The following ZFR2 variants were observed in gnomAD, a reference collection of about 807,000 sequenced individuals.
The protein encoded by ZFR2 is zinc finger RNA-binding protein 2.
A neutral mutation model predicts 105.7 loss-of-function variants in ZFR2; 104 were observed. The ratio of observed to expected loss-of-function variants is 0.98; its 90% CI spans 0.84 to 1.16. The LOEUF is 1.16. Among genes scored for constraint, ZFR2 ranks in the 50% most tolerant of loss-of-function variants. ZFR2 has a pLI of 0.00. For synonymous variants in ZFR2, 634 were observed against 597.7 expected, an observed-to-expected ratio of 1.06 and a Z score of -0.89; for missense variants, 1,425 against 1,355.5, an observed-to-expected ratio of 1.05 and a Z score of -0.80.
intron 1 of ZFR2, among the ~76,000 whole-genome samples, chr19:3,855,023 G>A (rs1371867466): frequency 6.6e-6 from 1 of 152,146 alleles, no homozygotes; most frequent in Non-Finnish European, 1.5e-5. Flanking sequence ...GCCTCCCAAA[G>A]TGCTGGGATT....
intron 1 of ZFR2, among the ~76,000 whole-genome samples, chr19:3,844,278 T>C (rs1478367333): frequency 6.6e-6 from 1 of 152,204 alleles, no homozygotes; most frequent in African/African-American, 2.4e-5. Flanking sequence ...TCCACCCATC[T>C]ATCTTGCTTT....
intron 8 of ZFR2, among the ~76,000 whole-genome samples, chr19:3,822,656 C>T (rs2037908270): frequency 1.3e-5 from 2 of 152,154 alleles, no homozygotes; most frequent in Admixed American, 1.3e-4. Context: ...TTTGAGGTTG[C>T]AGTGAGCCAT....
At chr19:3,822,274 C>A in intron 8 of ZFR2, 74 bp from the exon 9 acceptor site, 2 of 1,530,666 alleles carry the variant, frequency 1.3e-6, no homozygotes, top group South Asian at 2.4e-5. Flanking sequence ...GCTGCCAGGT[C>A]GCGGCGGAGC....
chr19:3,806,667 C>A (rs1170854856), intron 18 of ZFR2, among the ~76,000 whole-genome samples: 2 of 152,244 alleles, frequency 1.3e-5, no homozygotes, highest in African/African-American at 4.8e-5. Context: ...CCCCGCTCCA[C>A]TGACCACCAG....
chr19:3,868,243 T>A (rs1053495099), intron 1 of ZFR2, among the ~76,000 whole-genome samples: 36 of 149,656 alleles, frequency 2.4e-4, no homozygotes, highest in African/African-American at 8.4e-4. Context: ...GACTGTGGCT[T>A]CCTCCTGCCC....
intron 1 of ZFR2, among the ~76,000 whole-genome samples, chr19:3,841,754 A>G (rs1342774481): frequency 1.3e-5 from 2 of 151,820 alleles, no homozygotes; most frequent in Non-Finnish European, 1.5e-5. Context: ...GCAGTGAGCC[A>G]TGATTGCACC....
intron 1 of ZFR2, among the ~76,000 whole-genome samples, chr19:3,835,356 C>T (rs1362255469): frequency 1.3e-5 from 2 of 151,990 alleles, no homozygotes; most frequent in African/African-American, 2.4e-5. Context: ...GACAGGGTCT[C>T]GCTCTGTTGC....
At position 3,820,131 on chromosome 19, in the gene ZFR2, C is replaced by T; in HGVS notation, c.1740+51G>A. ...TCCTCCCGAGGAGGTGTCCGCTGCT[C>T]CGGGGAGTGTGAGGTCGCCCGCGTT... On this transcript the variant is annotated intron_variant, in intron 11 of 18. Transcript: ENST00000262961. The T allele has an allele frequency of 2.0e-6, 3 of 1,529,404 alleles. No homozygotes were observed. In the Admixed American group the frequency reaches 5.9e-5, roughly 30 times the overall value. The allele number at this position is 1,529,404 out of a possible 1,614,324, so 94.7% of individuals were successfully genotyped here. A position where few individuals can be genotyped will look rare whatever the true frequency, so the allele number is the denominator to read the frequency against.
chr19:3,833,737 A>T lies in ZFR2; in HGVS notation c.306T>A (p.Tyr102Ter), dbSNP rs761925579. Residue 102 changes from tyrosine (Y) to a stop codon, truncating the protein, a stop_gained, in exon 3 of 19, where the codon TAT (tyrosine) becomes TAA (stop). Transcript: ENST00000262961. LOFTEE classifies it high-confidence loss of function. Reference protein sequence around the residue: ...SYGQSAAARSYEDRPYFQSAA... With the variant: ...SYGQSAAARS ...CAGACTGGAAGTACGGCCTGTCCTC[A>T]TAGCTCCTGGCAGCTGCTGACTGTC... 2 of 1,583,668 alleles carry T rather than the reference A, an allele frequency of 1.3e-6. No homozygotes were observed. The highest frequency in any genetic ancestry group is 2.3e-5 in the South Asian group (2 of 86,542).
intron 1 of ZFR2, among the ~76,000 whole-genome samples, chr19:3,836,387 C>T (rs1214139169): frequency 1.3e-5 from 2 of 152,124 alleles, no homozygotes; most frequent in African/African-American, 2.4e-5. Flanking sequence ...TTCAGTGCTA[C>T]GATCACAGCC....
At chr19:3,833,490 G>GGCTTTAACCTGGGAGGCGAA in intron 3 of ZFR2, 174 bp downstream of exon 3, 1 of 504,338 alleles carries the variant, frequency 2.0e-6, no homozygotes, top group Non-Finnish European at 3.6e-6. Flanking sequence ...GCAGGAGAAT[G>GGCTTTAACCTGGGAGGCGAA]GCTTTAACCT....
At chr19:3,833,347 C>T (rs1383441849) in intron 3 of ZFR2, among the ~76,000 whole-genome samples, 2 of 151,888 alleles carry the variant, frequency 1.3e-5, no homozygotes, top group African/African-American at 2.4e-5. Flanking sequence ...GAGGCCAAGG[C>T]GGGCGGATCA....
At chr19:3,835,110 G>A in intron 1 of ZFR2, 127 bp from the exon 2 acceptor site, 1 of 1,082,476 alleles carries the variant, frequency 9.2e-7, no homozygotes, top group Non-Finnish European at 1.4e-6. Flanking sequence ...ACCCTCCTAG[G>A]AGCCCAGGCA....
At chr19:3,868,941 G>A (rs937552434) in intron 1 of ZFR2, 24 bp downstream of exon 1, 1 of 1,292,674 alleles carries the variant, frequency 7.7e-7, no homozygotes, top group Non-Finnish European at 9.9e-7. Flanking sequence ...GGACTGGCGG[G>A]GGCTGGCGCG....
chr19:3,867,147 G>GC (rs2038440261), intron 1 of ZFR2, among the ~76,000 whole-genome samples: 1 of 151,636 alleles, frequency 6.6e-6, no homozygotes, highest in Admixed American at 6.6e-5. Context: ...ACCGCGGGGG[G>GC]CAAAGACCCC....
intron 12 of ZFR2, 36 bp from the exon 13 acceptor site, chr19:3,816,881 G>A (rs777810246): frequency 1.4e-5 from 22 of 1,518,588 alleles, no homozygotes; most frequent in Non-Finnish European, 1.7e-5. Context: ...CGCCATCAGC[G>A]GAGAGACGCG....
intron 6 of ZFR2, among the ~76,000 whole-genome samples, chr19:3,825,873 G>A (rs1331626314): frequency 2.0e-5 from 3 of 152,134 alleles, no homozygotes; most frequent in East Asian, 1.9e-4. Flanking sequence ...TATTCTGGCC[G>A]TGCCCCATTC....
intron 3 of ZFR2, 66 bp from the exon 4 acceptor site, chr19:3,831,944 G>A (rs2038021983): frequency 9.7e-6 from 13 of 1,345,882 alleles, no homozygotes; most frequent in Non-Finnish European, 1.3e-5. Flanking sequence ...CCTGCAGATG[G>A]GCCCTGGACT....
At chr19:3,818,158 G>A (rs899070010) in intron 12 of ZFR2, among the ~76,000 whole-genome samples, 1 of 152,274 alleles carries the variant, frequency 6.6e-6, no homozygotes, top group African/African-American at 2.4e-5. Flanking sequence ...AGTGTTGTGT[G>A]ATGTGGATTT....
Sources: gnomAD v4.1 joint callset for allele counts (sites outside exome capture counted in the v4.1 genomes callset) on GRCh38, gnomAD v4.1.1 for gene constraint, MANE v1.5 for transcripts, NCBI Gene and HGNC (gene_info 2026-07-23, HGNC 2026-07-21) for gene names.